Variants in EGR3 observed in about 807,000 individuals in gnomAD.
EGR3 encodes early growth response protein 3.
In EGR3, 4 loss-of-function variants were observed where a neutral mutation model predicts 22.4. The observed-to-expected ratio is 0.18, with a 90% CI of 0.09 to 0.41. The LOEUF (loss-of-function observed/expected upper bound fraction) is 0.41, where lower values mean the gene tolerates loss of function less well. Ranked by LOEUF, EGR3 falls within the 10% of genes least tolerant of loss-of-function variation. The pLI is 1.00. For synonymous variants in EGR3, 219 were observed against 226.8 expected (o/e 0.97, Z 0.31); for missense variants, 315 against 541.3 (o/e 0.58, Z 4.15).
At chr8:22,691,813 G>A in intron 1 of EGR3, 1 of 985,428 alleles carries the variant, frequency 1.0e-6, no homozygotes, top group Non-Finnish European at 1.2e-6. Flanking sequence ...GGTAGCTGCA[G>A]CTACAGGTAG....
In EGR3 at chr8:22,690,442, G is replaced by A. The variant is rs1227322871; in HGVS notation, c.*31C>T. The A allele has an allele frequency of 6.4e-7, 1 of 1,562,872 alleles. No homozygotes were observed. The highest frequency in any genetic ancestry group is 2.3e-5 in the East Asian group (1 of 44,274). On this transcript the variant is annotated 3_prime_UTR_variant, in exon 2 of 2. Transcript: ENST00000317216. ...AGGCTAGCAGCCGGGAGGCACTGGA[G>A]GGGAAAAGTGGGGATCTGGGGGCCC... is the stretch of plus-strand genomic sequence containing the variant.
In EGR3 at chr8:22,693,423, TACC is replaced by T. The variant is rs1238999067; in HGVS notation, c.-482_-480del. 6 of 164,508 alleles carry T rather than the reference TACC, an allele frequency of 3.6e-5. No homozygotes were observed. Among genetic ancestry groups the T allele is most frequent in the Non-Finnish European group, 7.5e-5 (6 of 79,866 alleles). The allele number at this position is 164,508 out of a possible 1,614,324, so 10.2% of individuals were successfully genotyped here. ...CCTCTGCCGCCGCTGCCGCCGCTGC[TACC>T]ACCACCACCAGCCCCGCCGCTTCCT... is the stretch of plus-strand genomic sequence containing the variant. On this transcript the variant is annotated 5_prime_UTR_variant, in exon 1 of 2. Coordinates refer to ENST00000317216, the MANE Select transcript of EGR3 (RefSeq NM_004430.3).
rs1025098289 is a variant in EGR3, at chr8:22,692,183, G to T, written c.154+608C>A. 3 of 1,389,528 alleles carry T rather than the reference G, an allele frequency of 2.2e-6. No individual in the cohort carries two copies. The highest frequency in any genetic ancestry group is 2.8e-6 in the Non-Finnish European group (3 of 1,076,700). The allele number at this position is 1,389,528 out of a possible 1,614,324, so 86.1% of individuals were successfully genotyped here. ...GAGGCCGCCCTTCCCCAGCTCCCCG[G>T]CCCCGGGATCGTTCCCCGTGGCAGG... On this transcript the variant is annotated intron_variant, in intron 1 of 1. Coordinates refer to ENST00000317216, the MANE Select transcript of EGR3 (RefSeq NM_004430.3). The surrounding 1 kb of genome is among the most constrained non-coding windows in gnomAD (Gnocchi z 6.2).
Position 22,690,510 on chromosome 8 carries a change from G to A in EGR3, c.1127C>T (p.Pro376Leu), listed in dbSNP as rs1803910237. The change falls in exon 2 of 2, where the codon CCC becomes CTC. Residue 376 changes from proline (P) to leucine (L), a missense_variant. Around this residue, in one of 4 missense-constraint regions of EGR3, gnomAD observed 38 missense variants for 37.5 expected, o/e 1.01. Coordinates refer to ENST00000317216, the MANE Select transcript of EGR3 (RefSeq NM_004430.3). ...GGAPSASSAP[P>L]VSLAPVVTTC... is the part of the protein sequence containing the mutation. The stretch of plus-strand genomic sequence containing the variant: ...GGTGACCACGGGGGCCAGCGACACG[G>A]GGGGCGCCGAGGATGCAGAGGGTGC... 1.2e-6 allele frequency: 2 copies of A among 1,609,886 alleles called. No homozygotes were observed. Among genetic ancestry groups the A allele is most frequent in the Non-Finnish European group, 8.5e-7 (1 of 1,177,884 alleles).
At position 22,692,085 on chromosome 8, in the gene EGR3, G is replaced by C; in HGVS notation, c.155-603C>G. 2.2e-6 allele frequency: 3 copies of C among 1,347,924 alleles called. No individual in the cohort carries two copies. The highest frequency in any genetic ancestry group is 1.9e-6 in the Non-Finnish European group (2 of 1,053,472). The allele number at this position is 1,347,924 out of a possible 1,614,324, so 83.5% of individuals were successfully genotyped here. ...ATGAAGGAGCTTTAGGCTCTTGCTG[G>C]AGGGGAAAATCCTAGCCCCAGCTAG... On this transcript the variant is annotated intron_variant, in intron 1 of 1. Coordinates refer to ENST00000317216, the MANE Select transcript of EGR3 (RefSeq NM_004430.3). The surrounding 1 kb of genome is among the most constrained non-coding windows in gnomAD (Gnocchi z 6.2).
chr8:22,691,642 C>T lies in EGR3; in HGVS notation c.155-160G>A, dbSNP rs984554049. The T allele has an allele frequency of 9.3e-6, 9 of 966,576 alleles. No individual in the cohort carries two copies. The Admixed American group carries it at 5.5e-4, about 59-fold the overall frequency. The allele number at this position is 966,576 out of a possible 1,614,324, so 59.9% of individuals were successfully genotyped here. The stretch of plus-strand genomic sequence containing the variant: ...GAGCCCCGCGCAAAGCGGGCGGTGC[C>T]GCGCTCCCGGGCGCAACCTGGATAT... On this transcript the variant is annotated intron_variant, in intron 1 of 1. Coordinates refer to ENST00000317216, the MANE Select transcript of EGR3 (RefSeq NM_004430.3).
In EGR3 at chr8:22,690,427, C is replaced by G; in HGVS notation, c.*46G>C. The stretch of plus-strand genomic sequence containing the variant: ...TTTCCCGCTGCTTTCAGGCTAGCAG[C>G]CGGGAGGCACTGGAGGGGAAAAGTG... On this transcript the variant is annotated 3_prime_UTR_variant, in exon 2 of 2. Coordinates refer to ENST00000317216, the MANE Select transcript of EGR3 (RefSeq NM_004430.3). 1 of 1,503,074 alleles carries G rather than the reference C, an allele frequency of 6.7e-7. No homozygotes were observed. Among genetic ancestry groups the G allele is most frequent in the South Asian group, 1.2e-5 (1 of 82,042 alleles). 93.1% of individuals were successfully genotyped at this position (1,503,074 alleles called of 1,614,324 possible). A position where few individuals can be genotyped will look rare whatever the true frequency, so the allele number is the denominator to read the frequency against.
chr8:22,692,118 G>A lies in EGR3; in HGVS notation c.155-636C>T, dbSNP rs1032166597. The A allele has an allele frequency of 5.1e-6, 7 of 1,367,780 alleles. No homozygotes were observed. In the African/African-American group the frequency reaches 1.1e-4, roughly 21 times the overall value. 84.7% of individuals were successfully genotyped at this position (1,367,780 alleles called of 1,614,324 possible). On this transcript the variant is annotated intron_variant, in intron 1 of 1. Transcript: ENST00000317216. The surrounding 1 kb of genome is among the most constrained non-coding windows in gnomAD (Gnocchi z 6.2). ...AATCCTAGCCCCAGCTAGGGAGGGT[G>A]GAGAGCGGCGGAAAACCGGCCGGTG... is the stretch of plus-strand genomic sequence containing the variant.
In EGR3 at chr8:22,692,431, C is replaced by G; in HGVS notation, c.154+360G>C. 1 of 1,427,268 alleles carries G rather than the reference C, an allele frequency of 7.0e-7. No individual in the cohort carries two copies. Among genetic ancestry groups the G allele is most frequent in the South Asian group, 1.5e-5 (1 of 67,430 alleles). 88.4% of individuals were successfully genotyped at this position (1,427,268 alleles called of 1,614,324 possible). A position where few individuals can be genotyped will look rare whatever the true frequency, so the allele number is the denominator to read the frequency against. ...CGGGAAGAGGGCGACAGCACCACGC[C>G]TTGCGCGTAGCCCGGCGATCGGGCC... On this transcript the variant is annotated intron_variant, in intron 1 of 1. Transcript: ENST00000317216. The surrounding 1 kb of genome is among the most constrained non-coding windows in gnomAD (Gnocchi z 6.2).
rs3750192 is a variant in EGR3, at chr8:22,691,277, G to T, written c.360C>A (p.Leu120=). 133,409 of 1,613,898 alleles carry T rather than the reference G, an allele frequency of 0.083. 6,278 individuals are homozygous for T. Among genetic ancestry groups the T allele is most frequent in the East Asian group, 0.23 (10,181 of 44,868 alleles). Residue 120 remains leucine, a synonymous_variant, in exon 2 of 2, where the codon CTC becomes CTA. Coordinates refer to ENST00000317216, the MANE Select transcript of EGR3 (RefSeq NM_004430.3). The part of the protein sequence containing the change: ...ILGVPPASGA[L]STQTSTASMV... ...TGCTGGCCGTGGACGTCTGCGTGCTGAGCGCCCCTGAAGCCGGGGGCACCC... is the reference window on the plus strand; with the variant it reads ...TGCTGGCCGTGGACGTCTGCGTGCTTAGCGCCCCTGAAGCCGGGGGCACCC...
rs2128745343 is a variant in EGR3 at position 22,693,023 on chromosome 8, G to A, written c.-79C>T. 1 of 1,478,448 alleles carries A rather than the reference G, an allele frequency of 6.8e-7. No homozygotes were observed. Among genetic ancestry groups the A allele is most frequent in the South Asian group, 1.2e-5 (1 of 85,710 alleles). The allele number at this position is 1,478,448 out of a possible 1,614,324, so 91.6% of individuals were successfully genotyped here. On this transcript the variant is annotated 5_prime_UTR_variant, in exon 1 of 2. Coordinates refer to ENST00000317216, the MANE Select transcript of EGR3 (RefSeq NM_004430.3). ...TCCTAACGCAGCTTCCAGGCAAGCGGCATCCGAGAGGCGATCCGTGGTGCA... is the reference window on the plus strand; with the variant it reads ...TCCTAACGCAGCTTCCAGGCAAGCGACATCCGAGAGGCGATCCGTGGTGCA...
In EGR3 at chr8:22,690,656, A is replaced by G; in HGVS notation, c.981T>C (p.His327=). The change falls in exon 2 of 2, where the codon CAT becomes CAC. Residue 327 remains histidine (H), a synonymous_variant. Coordinates refer to ENST00000317216, the MANE Select transcript of EGR3 (RefSeq NM_004430.3). ...CGCAGGCAAAGGGCTTCTCGCCCGT[A>G]TGAGTGCGGATGTGAGTGGTGAGGT... is the stretch of plus-strand genomic sequence containing the variant. ...SDHLTTHIRT[H]TGEKPFACEF... is the part of the protein sequence containing the mutation. The G allele has an allele frequency of 6.2e-7, 1 of 1,614,030 alleles. No homozygotes were observed. The highest frequency in any genetic ancestry group is 8.5e-7 in the Non-Finnish European group (1 of 1,179,934).
chr8:22,692,200 C>G lies in EGR3; in HGVS notation c.154+591G>C. 1 of 1,401,982 alleles carries G rather than the reference C, an allele frequency of 7.1e-7. No homozygotes were observed. The allele number at this position is 1,401,982 out of a possible 1,614,324, so 86.8% of individuals were successfully genotyped here. A position where few individuals can be genotyped will look rare whatever the true frequency, so the allele number is the denominator to read the frequency against. On this transcript the variant is annotated intron_variant, in intron 1 of 1. Transcript: ENST00000317216. The surrounding 1 kb of genome is among the most constrained non-coding windows in gnomAD (Gnocchi z 6.2). ...GCTCCCCGGCCCCGGGATCGTTCCCCGTGGCAGGCCCTCGCCCCGCGGGTG... is the reference window on the plus strand; with the variant it reads ...GCTCCCCGGCCCCGGGATCGTTCCCGGTGGCAGGCCCTCGCCCCGCGGGTG...
chr8:22,692,993 C>T lies in EGR3; in HGVS notation c.-49G>A. Reference sequence around the variant, plus strand: ...GCCGCCACCGCCGCCACCGCCGCCGCTCGCTCCTAACGCAGCTTCCAGGCA... The same window carrying T: ...GCCGCCACCGCCGCCACCGCCGCCGTTCGCTCCTAACGCAGCTTCCAGGCA... On this transcript the variant is annotated 5_prime_UTR_variant, in exon 1 of 2. Coordinates refer to ENST00000317216, the MANE Select transcript of EGR3 (RefSeq NM_004430.3). The surrounding 1 kb of genome is among the most constrained non-coding windows in gnomAD (Gnocchi z 6.2). The T allele has an allele frequency of 6.3e-7, 1 of 1,579,562 alleles. No homozygotes were observed. The highest frequency in any genetic ancestry group is 1.4e-5 in the African/African-American group (1 of 73,074).
chr8:22,691,804 G>T, intron 1 of EGR3: 1 of 985,444 alleles, frequency 1.0e-6, no homozygotes, highest in Non-Finnish European at 1.2e-6. Flanking sequence ...GGGCGGGCAG[G>T]TAGCTGCAGC....
At chr8:22,691,591 G>T (rs1015397822) in intron 1 of EGR3, 109 bp from the exon 2 acceptor site, 2 of 1,490,772 alleles carry the variant, frequency 1.3e-6, no homozygotes, top group Non-Finnish European at 1.8e-6. Context: ...GGTGGAGTGC[G>T]TAGCGCATGG....
At position 22,692,509 on chromosome 8, in the gene EGR3, T is replaced by C. The variant is rs1804005986; in HGVS notation, c.154+282A>G. On this transcript the variant is annotated intron_variant, in intron 1 of 1. Transcript: ENST00000317216. This position sits in a 1 kb window ranked among gnomAD's most constrained non-coding sequence, Gnocchi z 6.2. Reference sequence around the variant, plus strand: ...GCCGCTCGCACCTACCTCCCTCCGGTCGGCGGCTGCCCCCACCCGGGAGAA... The same window carrying C: ...GCCGCTCGCACCTACCTCCCTCCGGCCGGCGGCTGCCCCCACCCGGGAGAA... 2.8e-6 allele frequency: 4 copies of C among 1,415,280 alleles called. No homozygotes were observed. The East Asian group carries it at 1.0e-4, about 37-fold the overall frequency. 87.7% of individuals were successfully genotyped at this position (1,415,280 alleles called of 1,614,324 possible).
Position 22,690,969 on chromosome 8 carries a change from G to A in EGR3, c.668C>T (p.Pro223Leu), listed in dbSNP as rs1392082073. Residue 223 changes from proline to leucine, a missense_variant, in exon 2 of 2, where the codon CCC becomes CTC. Around this residue, in one of 4 missense-constraint regions of EGR3, gnomAD observed 227 missense variants for 303.6 expected, o/e 0.75. Coordinates refer to ENST00000317216, the MANE Select transcript of EGR3 (RefSeq NM_004430.3). The stretch of plus-strand genomic sequence containing the variant: ...GATGGTCTCCAGAGGGGTAATAGGG[G>A]GCGGGTTGACCCGGATGGGGTCCAT... ...QGMDPIRVNP[P>L]PITPLETIKA... 2.6e-6 allele frequency: 4 copies of A among 1,567,236 alleles called. No individual in the cohort carries two copies. The highest frequency in any genetic ancestry group is 1.4e-5 in the African/African-American group (1 of 73,990).
rs1281021498 is a variant in EGR3 at position 22,690,842 on chromosome 8, A to G, written c.795T>C (p.Pro265=). 2 of 1,606,686 alleles carry G rather than the reference A, an allele frequency of 1.2e-6. No homozygotes were observed. Among genetic ancestry groups the G allele is most frequent in the Non-Finnish European group, 1.7e-6 (2 of 1,174,580 alleles). ...PIRPRKYPNR[P]SKTPLHERPH... Reference sequence around the variant, plus strand: ...GCCGTTCGTGGAGCGGTGTCTTGCTAGGCCGGTTGGGGTACTTGCGGGGCC... The same window carrying G: ...GCCGTTCGTGGAGCGGTGTCTTGCTGGGCCGGTTGGGGTACTTGCGGGGCC... The change falls in exon 2 of 2, where the codon CCT becomes CCC. Residue 265 remains proline (P), a synonymous_variant. Transcript: ENST00000317216.
Sources: allele counts gnomAD v4.1 joint callset, GRCh38; gene constraint gnomAD v4.1.1; regional missense constraint gnomAD v4.1.1; non-coding constraint Gnocchi (gnomAD v3.1); transcripts MANE v1.5; gene names NCBI Gene and HGNC (gene_info 2026-07-23, HGNC 2026-07-21).